Variants in KCNH5 observed in about 807,000 individuals in gnomAD.
KCNH5 encodes the protein voltage-gated delayed rectifier potassium channel KCNH5.
In KCNH5, 46 loss-of-function variants were observed where a neutral mutation model predicts 96.1. The observed-to-expected ratio is 0.48, with a 90% CI of 0.38 to 0.61. The LOEUF (loss-of-function observed/expected upper bound fraction) is 0.61. Among genes scored for constraint, KCNH5 ranks in the 20% least tolerant of loss-of-function variants. KCNH5 has a pLI of 0.00. For synonymous variants in KCNH5, 439 were observed against 449.8 expected (o/e 0.98, Z 0.30); for missense variants, 907 against 1,225.8 (o/e 0.74, Z 3.88).
At chr14:62,745,336 C>A (rs1885354517) in intron 10 of KCNH5, among the ~76,000 whole-genome samples, 1 of 152,130 alleles carries the variant, frequency 6.6e-6, no homozygotes, top group African/African-American at 2.4e-5. Flanking sequence ...AGCACACTGT[C>A]CTCTAACAAT....
rs1035662142 is a variant in KCNH5 at position 62,769,281 on chromosome 14, T to C, written c.2019+10447A>G. Among the ~76,000 whole-genome samples, 3 of 152,328 alleles carry C rather than the reference T, an allele frequency of 2.0e-5. No homozygotes were observed. In the East Asian group the frequency reaches 5.8e-4, roughly 29 times the overall value. The stretch of plus-strand genomic sequence containing the variant: ...AGTGAAATTTCTACAAACCATAACA[T>C]GTAAGCAGAGCTACTGCCAGCAGGG... On this transcript the variant is annotated intron_variant, in intron 10 of 10. Transcript: ENST00000322893.
intron 7 of KCNH5, among the ~76,000 whole-genome samples, chr14:62,944,299 T>C (rs1889844628): frequency 6.6e-6 from 1 of 152,180 alleles, no homozygotes; most frequent in Admixed American, 6.6e-5. Context: ...AAGTAGTGAT[T>C]ATTTTTCTCA....
At chr14:62,754,140 G>A (rs148502692) in intron 10 of KCNH5, among the ~76,000 whole-genome samples, 1,753 of 152,150 alleles carry the variant, frequency 0.012, 30 homozygotes, top group African/African-American at 0.04. Flanking sequence ...GTTCTCTTTG[G>A]CTTATCTGTT....
At chr14:62,742,492 TAGAAAA>T (rs1885291276) in intron 10 of KCNH5, among the ~76,000 whole-genome samples, 1 of 152,064 alleles carries the variant, frequency 6.6e-6, no homozygotes, top group African/African-American at 2.4e-5. Flanking sequence ...CCAGAGAACT[TAGAAAA>T]AGAGATATCT....
chr14:62,977,965 A>T (rs1203776126), intron 6 of KCNH5, among the ~76,000 whole-genome samples: 1 of 152,152 alleles, frequency 6.6e-6, no homozygotes, highest in Non-Finnish European at 1.5e-5. Flanking sequence ...CCCAGAGCAA[A>T]AGTTGCAGTT....
intron 8 of KCNH5, among the ~76,000 whole-genome samples, chr14:62,847,826 C>T (rs1457405131): frequency 6.6e-6 from 1 of 152,170 alleles, no homozygotes; most frequent in Non-Finnish European, 1.5e-5. Context: ...TTATTTAAGG[C>T]AGTCCATGGT....
At chr14:63,008,109 G>A (rs112605752) in intron 2 of KCNH5, among the ~76,000 whole-genome samples, 6 of 152,092 alleles carry the variant, frequency 3.9e-5, no homozygotes, top group African/African-American at 1.2e-4. Context: ...CCTTAACTAA[G>A]ATTTTGAAAG....
At chr14:62,968,335 G>A (rs1890341983) in intron 6 of KCNH5, among the ~76,000 whole-genome samples, 1 of 152,154 alleles carries the variant, frequency 6.6e-6, no homozygotes, top group Non-Finnish European at 1.5e-5. Flanking sequence ...GTAGAAAGTA[G>A]ATATCTGTTC....
chr14:62,941,477 T>G (rs899483998), intron 7 of KCNH5, among the ~76,000 whole-genome samples: 3 of 152,070 alleles, frequency 2.0e-5, no homozygotes, highest in African/African-American at 7.2e-5. Context: ...TGATAAAAGG[T>G]GCCTATAACC....
chr14:63,003,612 A>ATT (rs1394629647), intron 3 of KCNH5, among the ~76,000 whole-genome samples: 2,795 of 119,134 alleles, frequency 0.023, 62 homozygotes, highest in East Asian at 0.086. Context: ...TTATATTTAT[A>ATT]TATATATATA....
rs76454983 is a variant in KCNH5, at chr14:62,827,011, G to A, written c.1569+22642C>T. Among the ~76,000 whole-genome samples, 120 of 152,042 alleles carry A rather than the reference G, an allele frequency of 7.9e-4. 1 individual carries two copies. The East Asian group carries it at 0.022, about 28-fold the overall frequency. On this transcript the variant is annotated intron_variant, in intron 8 of 10. Transcript: ENST00000322893. ...AAAGAAAAATAATCTTATAAATGAA[G>A]ACTAACTTACAAGGTGCCCACACTA... is the stretch of plus-strand genomic sequence containing the variant.
At chr14:62,984,474 A>G (rs530085676) in intron 5 of KCNH5, among the ~76,000 whole-genome samples, 1 of 152,336 alleles carries the variant, frequency 6.6e-6, no homozygotes, top group South Asian at 2.1e-4. Flanking sequence ...AGCACCTCAA[A>G]TTCCATAGCT....
rs746372246 is a variant in KCNH5 at position 63,045,230 on chromosome 14, G to C, written c.-44C>G. On this transcript the variant is annotated 5_prime_UTR_variant, in exon 1 of 11. Transcript: ENST00000322893. ...CGGCCAGGATCCGCGGCGGGGGAGG[G>C]GGGGATGCAGGCAAAGAAGGTGGAG... is the stretch of plus-strand genomic sequence containing the variant. 19 of 1,427,278 alleles carry C rather than the reference G, an allele frequency of 1.3e-5. No homozygotes were observed. The highest frequency in any genetic ancestry group is 2.8e-5 in the African/African-American group (2 of 71,396). 88.4% of individuals were successfully genotyped at this position (1,427,278 alleles called of 1,614,324 possible).
At chr14:63,007,343 A>G (rs888493217) in intron 2 of KCNH5, among the ~76,000 whole-genome samples, 1 of 152,184 alleles carries the variant, frequency 6.6e-6, no homozygotes, top group Non-Finnish European at 1.5e-5. Context: ...GGAGGATGAC[A>G]ATTTTCGAGA....
chr14:62,995,452 C>T (rs1193814261), intron 4 of KCNH5, among the ~76,000 whole-genome samples: 2 of 152,092 alleles, frequency 1.3e-5, no homozygotes, highest in Non-Finnish European at 2.9e-5. Flanking sequence ...TCTTTGAAGT[C>T]CCTGAGTCTT....
At chr14:62,860,878 C>T (rs1270844966) in intron 7 of KCNH5, among the ~76,000 whole-genome samples, 1 of 152,200 alleles carries the variant, frequency 6.6e-6, no homozygotes, top group East Asian at 1.9e-4. Flanking sequence ...CCTTGGAACA[C>T]TCGTCACTTC....
Position 62,706,364 on chromosome 14 carries a change from G to A in KCNH5, c.*1144C>T, listed in dbSNP as rs996934278. On this transcript the variant is annotated 3_prime_UTR_variant, in exon 11 of 11. Coordinates refer to ENST00000322893, the MANE Select transcript of KCNH5 (RefSeq NM_139318.5). ...AGTTATCTGAGTCGAGCAACTTAATGTCTACTTCTTGGTTGGTTGGTTTGT... is the reference window on the plus strand; with the variant it reads ...AGTTATCTGAGTCGAGCAACTTAATATCTACTTCTTGGTTGGTTGGTTTGT... The A allele has an allele frequency of 1.3e-5, 2 of 152,150 alleles. No individual in the cohort carries two copies. Among genetic ancestry groups the A allele is most frequent in the African/African-American group, 2.4e-5 (1 of 41,460 alleles). The allele number at this position is 152,150 out of a possible 1,614,324, so 9.4% of individuals were successfully genotyped here. A position where few individuals can be genotyped will look rare whatever the true frequency, so the allele number is the denominator to read the frequency against.
intron 1 of KCNH5, among the ~76,000 whole-genome samples, chr14:63,021,446 A>C (rs749340870): frequency 3.9e-5 from 6 of 152,122 alleles, no homozygotes; most frequent in Non-Finnish European, 8.8e-5. Flanking sequence ...GCTGCCCACT[A>C]TTCACTTGAA....
intron 7 of KCNH5, among the ~76,000 whole-genome samples, chr14:62,913,090 T>A (rs780526888): frequency 1.2e-4 from 18 of 152,204 alleles, no homozygotes; most frequent in Non-Finnish European, 2.6e-4. Flanking sequence ...GGAGTCAAAA[T>A]GTATGGGGTA....
Sources: allele counts gnomAD v4.1 joint callset (sites outside exome capture counted in the v4.1 genomes callset), GRCh38; gene constraint gnomAD v4.1.1; transcripts MANE v1.5; gene names NCBI Gene and HGNC (gene_info 2026-07-23, HGNC 2026-07-21).